TDP1: variants seen among roughly 807,000 people sequenced by gnomAD.
TDP1 encodes the protein tyr-DNA phosphodiesterase 1.
In TDP1, 64 loss-of-function variants were observed where a neutral mutation model predicts 81.5. The observed-to-expected ratio is 0.79, with a 90% confidence interval of 0.64 to 0.97. TDP1 has a LOEUF of 0.97. Ranked by LOEUF, TDP1 falls within the 50% of genes least tolerant of loss-of-function variation. The probability of loss-of-function intolerance (pLI) is 0.00; values close to 1 mark genes in which losing one functional copy is unlikely to be tolerated. For missense variants in TDP1, 723 were observed against 743.8 expected (o/e 0.97, Z 0.33); for synonymous variants, 256 against 264.3 (o/e 0.97, Z 0.30).
At chr14:89,989,202 T>C (rs1446679425) in intron 11 of TDP1, 112 bp downstream of exon 11, 2 of 1,406,664 alleles carry the variant, frequency 1.4e-6, no homozygotes, top group African/African-American at 1.5e-5. Context: ...ATTCTTTTTT[T>C]TTTTTTGGCG....
chr14:89,961,155 T>G (rs1477741164), intron 2 of TDP1, among the ~76,000 whole-genome samples: 1 of 152,214 alleles, frequency 6.6e-6, no homozygotes, highest in African/African-American at 2.4e-5. Context: ...TTTGTGCATC[T>G]CGTGTTCACT....
chr14:89,965,303 G>A lies in TDP1; in HGVS notation c.560-844G>A, dbSNP rs553112234. Among the ~76,000 whole-genome samples, 17 of 152,236 alleles carry A rather than the reference G, an allele frequency of 1.1e-4. No individual in the cohort carries two copies. In the South Asian group the frequency reaches 3.3e-3, roughly 30 times the overall value. On this transcript the variant is annotated intron_variant, in intron 3 of 16. Coordinates refer to ENST00000335725, the MANE Select transcript of TDP1 (RefSeq NM_018319.4). Reference sequence around the variant, plus strand: ...CTCAGAGGCAGTTTAGTGGGTATGAGCGAAGGTGCTGGAGCCAGACAGCCT... The same window carrying A: ...CTCAGAGGCAGTTTAGTGGGTATGAACGAAGGTGCTGGAGCCAGACAGCCT...
At chr14:89,978,277 G>A (rs1894581442) in intron 7 of TDP1, among the ~76,000 whole-genome samples, 1 of 152,204 alleles carries the variant, frequency 6.6e-6, no homozygotes, top group South Asian at 2.1e-4. Context: ...TCTTCCGCTG[G>A]CCCACTTTGT....
At chr14:89,976,552 TTTTA>T in intron 7 of TDP1, among the ~76,000 whole-genome samples, 1 of 141,054 alleles carries the variant, frequency 7.1e-6, no homozygotes, top group Admixed American at 6.9e-5. Context: ...TTTTTTTTTT[TTTTA>T]GACAGAGTCT....
chr14:89,988,470 G>A, intron 10 of TDP1: 1 of 443,810 alleles, frequency 2.3e-6, no homozygotes, highest in South Asian at 9.6e-5. Context: ...TCACATTGGA[G>A]ATCCCAAGGA....
At chr14:89,969,552 A>AT (rs1893350241) in intron 5 of TDP1, among the ~76,000 whole-genome samples, 1 of 152,168 alleles carries the variant, frequency 6.6e-6, no homozygotes, top group Non-Finnish European at 1.5e-5. Flanking sequence ...TTGATCTAAC[A>AT]TTTTTTATTT....
chr14:89,985,410 T>G (rs1355905328), intron 10 of TDP1, among the ~76,000 whole-genome samples, 200 bp downstream of exon 10: 1 of 152,218 alleles, frequency 6.6e-6, no homozygotes, highest in Non-Finnish European at 1.5e-5. Flanking sequence ...CTGTAGGCTG[T>G]TAATGGCATA....
At chr14:89,982,667 T>A (rs1297832154) in intron 8 of TDP1, among the ~76,000 whole-genome samples, 1 of 152,194 alleles carries the variant, frequency 6.6e-6, no homozygotes, top group Non-Finnish European at 1.5e-5. Flanking sequence ...AAAAAGTATT[T>A]TTTAATTTAA....
At chr14:89,980,447 AT>A (rs1252488226) in intron 7 of TDP1, 92 bp from the exon 8 acceptor site, 4 of 1,445,218 alleles carry the variant, frequency 2.8e-6, no homozygotes, top group Non-Finnish European at 3.8e-6. Flanking sequence ...GTTTAAAAAA[AT>A]TCCTTTAGCT....
At chr14:89,969,546 T>C (rs1365148633) in intron 5 of TDP1, among the ~76,000 whole-genome samples, 3 of 152,256 alleles carry the variant, frequency 2.0e-5, no homozygotes, top group African/African-American at 7.2e-5. Context: ...CATGACTTGA[T>C]CTAACATTTT....
At chr14:89,976,408 G>T (rs1039693396) in intron 7 of TDP1, among the ~76,000 whole-genome samples, 1 of 151,098 alleles carries the variant, frequency 6.6e-6, no homozygotes, top group Non-Finnish European at 1.5e-5. Context: ...ATTAACTTTA[G>T]CTTTAAATTT....
At chr14:89,991,774 T>C (rs1896209377) in intron 12 of TDP1, 143 bp from the exon 13 acceptor site, 1 of 1,204,890 alleles carries the variant, frequency 8.3e-7, no homozygotes, top group African/African-American at 1.5e-5. Context: ...ACATTTTCTT[T>C]CAAATAACTA....
intron 12 of TDP1, among the ~76,000 whole-genome samples, chr14:89,991,189 A>G (rs1212250661): frequency 6.6e-6 from 1 of 152,148 alleles, no homozygotes; most frequent in Non-Finnish European, 1.5e-5. Context: ...TCTTATTTGC[A>G]TAAGGAGGGT....
intron 15 of TDP1, among the ~76,000 whole-genome samples, chr14:90,024,349 C>T (rs1162184223): frequency 6.6e-6 from 1 of 152,176 alleles, no homozygotes; most frequent in Non-Finnish European, 1.5e-5. Context: ...CCACTCCAGG[C>T]ACCCCTCCTC....
intron 6 of TDP1, among the ~76,000 whole-genome samples, chr14:89,975,185 C>T (rs1012508703): frequency 3.9e-5 from 6 of 152,202 alleles, no homozygotes; most frequent in African/African-American, 1.2e-4. Flanking sequence ...ACGCCATTCT[C>T]CTGCCTCAGC....
At chr14:90,032,837 C>T (rs761730866) in intron 15 of TDP1, 77 of 984,886 alleles carry the variant, frequency 7.8e-5, no homozygotes, top group Non-Finnish European at 9.0e-5. Flanking sequence ...AAAATTGTCT[C>T]TCTTGTTTCT....
intron 11 of TDP1, 126 bp downstream of exon 11, chr14:89,989,216 C>A: frequency 2.2e-6 from 2 of 915,902 alleles, no homozygotes; most frequent in Non-Finnish European, 1.5e-6. Context: ...TTTGGCGTGG[C>A]GGGGGCGGGG....
At chr14:89,996,456 T>A (rs1340619077) in intron 14 of TDP1, among the ~76,000 whole-genome samples, 1 of 152,200 alleles carries the variant, frequency 6.6e-6, no homozygotes, top group African/African-American at 2.4e-5. Flanking sequence ...GTTCATCTTT[T>A]AAGAGTTGTG....
intron 2 of TDP1, among the ~76,000 whole-genome samples, chr14:89,959,047 T>G (rs2139902632): frequency 6.6e-6 from 1 of 152,340 alleles, no homozygotes; most frequent in East Asian, 1.9e-4. Context: ...AACTTTCTTC[T>G]TGATTTAAAC....
Sources: gnomAD v4.1 joint callset for allele counts (sites outside exome capture counted in the v4.1 genomes callset) on GRCh38, gnomAD v4.1.1 for gene constraint, MANE v1.5 for transcripts, NCBI Gene and HGNC (gene_info 2026-07-23, HGNC 2026-07-21) for gene names.